MAGED1: variants seen among roughly 807,000 people sequenced by gnomAD.
MAGED1 encodes the protein MAGE family member D1.
A neutral mutation model predicts 54.1 loss-of-function variants in MAGED1; 3 were observed. That is an observed-to-expected ratio of 0.06 (90% CI 0.03 to 0.14). The LOEUF (loss-of-function observed/expected upper bound fraction) is 0.14, where lower values mean the gene tolerates loss of function less well. MAGED1 is among the 10% of genes least tolerant of loss of function. MAGED1 has a pLI of 1.00. For synonymous variants in MAGED1, 217 were observed against 227.3 expected, an observed-to-expected ratio of 0.95 and a Z score of 0.41; for missense variants, 485 against 623.4, an observed-to-expected ratio of 0.78 and a Z score of 2.36.
intron 1 of MAGED1, among the ~76,000 whole-genome samples, chrX:51,873,993 A>G (rs1557361833): frequency 8.9e-6 from 1 of 111,808 alleles, no homozygotes; most frequent in Non-Finnish European, 1.9e-5. Context: ...CTGAGAGAAC[A>G]TGGTAAGAAA....
At chrX:51,886,748 C>T (rs782751200) in intron 1 of MAGED1, among the ~76,000 whole-genome samples, 6 of 111,012 alleles carry the variant, frequency 5.4e-5, no homozygotes, top group South Asian at 3.8e-4. Context: ...GCAATGAGCA[C>T]GTGGAAATTA....
chrX:51,807,668 C>T (rs1042497465), intron 1 of MAGED1, among the ~76,000 whole-genome samples: 28 of 111,590 alleles, frequency 2.5e-4, no homozygotes, highest in African/African-American at 9.1e-4. Flanking sequence ...CCCCAAACCA[C>T]TTATTGAAAA....
intron 1 of MAGED1, among the ~76,000 whole-genome samples, chrX:51,882,154 TAA>T (rs1223956046): frequency 8.9e-6 from 1 of 111,847 alleles, no homozygotes; most frequent in Non-Finnish European, 1.9e-5. Flanking sequence ...GGCAAAATGG[TAA>T]AGTCACTTCA....
chrX:51,896,084 A>G (rs1928737959), intron 3 of MAGED1: 2 of 378,899 alleles, frequency 5.3e-6, no homozygotes, highest in South Asian at 6.1e-5. Flanking sequence ...GGTAGGGATC[A>G]TAGTGCCAAT....
chrX:51,810,156 T>C (rs1271024587), intron 1 of MAGED1, among the ~76,000 whole-genome samples: 1 of 110,088 alleles, frequency 9.1e-6, no homozygotes, highest in Non-Finnish European at 1.9e-5. Flanking sequence ...TTCACTTCTA[T>C]GTTTTTTTTC....
At position 51,853,082 on chromosome X, in the gene MAGED1, C is replaced by A. The variant is rs782358297; in HGVS notation, c.-36-41187C>A. On this transcript the variant is annotated intron_variant, in intron 1 of 12. Coordinates refer to the MAGED1 transcript ENST00000375772. ...GCTGAGCTCAGATAATTTCGTCTTA[C>A]CTGTCTTTAAATTTAAATTCTCTAC... is the stretch of plus-strand genomic sequence containing the variant. Among the ~76,000 whole-genome samples, 3 of 111,177 alleles carry A rather than the reference C, an allele frequency of 2.7e-5. No homozygotes were observed. In the East Asian group the frequency reaches 8.5e-4, roughly 31 times the overall value.
chrX:51,864,179 A>G (rs1170653776), intron 1 of MAGED1, among the ~76,000 whole-genome samples: 1 of 95,688 alleles, frequency 1.0e-5, no homozygotes, highest in East Asian at 3.0e-4. Flanking sequence ...TGTGAGAGAG[A>G]GAGAGAGAGA....
At position 51,895,399 on chromosome X, in the gene MAGED1, C is replaced by G; in HGVS notation, c.392C>G (p.Ala131Gly). Residue 131 changes from alanine (A) to glycine (G), a missense_variant, in exon 3 of 13, where the codon GCA becomes GGA. Transcript: ENST00000326587. Reference sequence around the variant, plus strand: ...AATGCTGCCTATGATTTTTCCCAGGCAGCAACCACTGGTGAGTTAGCTGCT... The same window carrying G: ...AATGCTGCCTATGATTTTTCCCAGGGAGCAACCACTGGTGAGTTAGCTGCT... The part of the protein sequence containing the change: ...GPNAAYDFSQ[A>G]ATTGELAANK... 1 of 1,206,557 alleles carries G rather than the reference C, an allele frequency of 8.3e-7. No homozygotes were observed. Among genetic ancestry groups the G allele is most frequent in the Non-Finnish European group, 1.1e-6 (1 of 892,622 alleles).
At chrX:51,851,646 T>C (rs1300466766) in intron 1 of MAGED1, among the ~76,000 whole-genome samples, 1 of 108,883 alleles carries the variant, frequency 9.2e-6, no homozygotes, top group African/African-American at 3.3e-5. Flanking sequence ...CTTCTTGTGA[T>C]GTTGAGAGAT....
At chrX:51,880,415 A>C (rs1463637988) in intron 1 of MAGED1, among the ~76,000 whole-genome samples, 1 of 111,733 alleles carries the variant, frequency 8.9e-6, no homozygotes, top group African/African-American at 3.3e-5. Context: ...CAAAGCAGAG[A>C]GTGAGAGGGG....
chrX:51,899,977 G>A (rs1928935736), intron 10 of MAGED1: 4 of 378,773 alleles, frequency 1.1e-5, no homozygotes, highest in Non-Finnish European at 1.8e-5. Context: ...TACAAGCCTC[G>A]CCTGCATCTC....
intron 2 of MAGED1, chrX:51,894,608 C>T: frequency 7.9e-6 from 9 of 1,146,265 alleles, no homozygotes; most frequent in Non-Finnish European, 1.1e-5. Context: ...GGTAAGGAAC[C>T]ATTTTTTTTT....
Position 51,894,237 on chromosome X carries a change from C to G in MAGED1, c.-36-32C>G, listed in dbSNP as rs781824241. Reference sequence around the variant, plus strand: ...CAATTAGGTCCTTCGTATTTGCCCTCTGTAGTATAACGCCCTGCCCCTCTC... The same window carrying G: ...CAATTAGGTCCTTCGTATTTGCCCTGTGTAGTATAACGCCCTGCCCCTCTC... On this transcript the variant is annotated intron_variant, in intron 1 of 12. Transcript: ENST00000326587. 222 of 912,359 alleles carry G rather than the reference C, an allele frequency of 2.4e-4. No individual in the cohort carries two copies. The South Asian group carries it at 4.5e-3, about 18-fold the overall frequency. 75.2% of individuals were successfully genotyped at this position (912,359 alleles called of 1,213,427 possible). A position where few individuals can be genotyped will look rare whatever the true frequency, so the allele number is the denominator to read the frequency against.
At chrX:51,895,908 A>G (rs940429393) in intron 3 of MAGED1, 148 bp downstream of exon 3, 5 of 475,275 alleles carry the variant, frequency 1.1e-5, no homozygotes, top group Non-Finnish European at 1.8e-5. Flanking sequence ...TGTCCTCCGG[A>G]TGTTCACAAA....
upstream of MAGED1, among the ~76,000 whole-genome samples, chrX:51,892,985 C>A (rs1242947918): frequency 9.0e-6 from 1 of 110,702 alleles, no homozygotes; most frequent in Non-Finnish European, 1.9e-5. Flanking sequence ...CTCCTTTCCT[C>A]CCCCAACACA....
At position 51,878,682 on chromosome X, in the gene MAGED1, A is replaced by G. The variant is rs782652834; in HGVS notation, c.-36-15587A>G. ...AGGTAATACATGTATTTTTGCCATC[A>G]TTATTTCTCCAGCACTTATCACAAT... On this transcript the variant is annotated intron_variant, in intron 1 of 12. Transcript: ENST00000375772. Among the ~76,000 whole-genome samples, 3 of 111,840 alleles carry G rather than the reference A, an allele frequency of 2.7e-5. No individual in the cohort carries two copies. In the Admixed American group the frequency reaches 2.8e-4, roughly 11 times the overall value.
chrX:51,838,793 A>G (rs1557358172), intron 1 of MAGED1, among the ~76,000 whole-genome samples: 1 of 111,869 alleles, frequency 8.9e-6, no homozygotes, highest in Non-Finnish European at 1.9e-5. Context: ...TGGTCAGGAT[A>G]CAAAACTCAC....
In MAGED1 at chrX:51,896,593, C is replaced by T. The variant is rs1557364279; in HGVS notation, c.938C>T (p.Ala313Val). 10 of 1,211,788 alleles carry T rather than the reference C, an allele frequency of 8.3e-6. No individual in the cohort carries two copies. The South Asian group carries it at 1.6e-4, about 19-fold the overall frequency. The part of the protein sequence containing the change: ...QNPSGWQNQT[A>V]RQTPPARQSP... ...CCCTCAGGCTGGCAAAACCAGACAG[C>T]CAGGCAGACCCCACCAGCACGTCAG... is the stretch of plus-strand genomic sequence containing the variant. The change falls in exon 4 of 13, where the codon GCC becomes GTC. Residue 313 changes from alanine to valine, a missense_variant. By Grantham distance (64) the Ala-to-Val change is moderately conservative. This residue lies in a region of MAGED1 where 299 missense variants were observed against 293.1 expected (regional missense o/e 1.02). Transcript: ENST00000326587.
chrX:51,860,924 T>G (rs1399670906), intron 1 of MAGED1, among the ~76,000 whole-genome samples: 2 of 111,018 alleles, frequency 1.8e-5, no homozygotes, highest in African/African-American at 6.6e-5. Context: ...TCTCTTGTCT[T>G]CAGTCTTCCA....
Sources: allele counts gnomAD v4.1 joint callset (sites outside exome capture counted in the v4.1 genomes callset), GRCh38; gene constraint gnomAD v4.1.1; regional missense constraint gnomAD v4.1.1; transcripts MANE v1.5; gene names NCBI Gene and HGNC (gene_info 2026-07-23, HGNC 2026-07-21).